The following LRCH1 variants were observed in gnomAD, a reference collection of about 807,000 sequenced individuals.
LRCH1 encodes the protein leucine-rich repeat and calponin homology domain-containing protein 1.
Under a neutral mutation model 94.9 loss-of-function variants are expected in LRCH1, and 23 were observed. The observed-to-expected ratio is 0.24, with a 90% CI of 0.17 to 0.34. LRCH1 has a LOEUF of 0.34. Ranked by LOEUF, LRCH1 falls within the 10% of genes least tolerant of loss-of-function variation. The pLI is 1.00. For missense variants in LRCH1, 790 were observed against 945.9 expected (o/e 0.84, Z 2.16); for synonymous variants, 364 against 354.9 (o/e 1.03, Z -0.29).
intron 13 of LRCH1, among the ~76,000 whole-genome samples, chr13:46,708,810 C>T (rs1367590818): frequency 2.0e-5 from 3 of 152,292 alleles, no homozygotes; most frequent in Non-Finnish European, 1.5e-5. Flanking sequence ...AAAATGGATT[C>T]GTACTTATTG....
At position 46,699,396 on chromosome 13, in the gene LRCH1, G is replaced by A; in HGVS notation, c.1306G>A (p.Glu436Lys). The change falls in exon 10 of 20, where the codon GAG becomes AAG. Residue 436 changes from glutamate (E) to lysine (K), a missense_variant. Physicochemically the swap from Glu to Lys is moderately conservative, Grantham distance 56. Transcript: ENST00000389797. ...AGAAGAGGATGTGCACTGGCAAACTGAGGGCATGTGAGTGCCGAGGCCTTG... is the reference window on the plus strand; with the variant it reads ...AGAAGAGGATGTGCACTGGCAAACTAAGGGCATGTGAGTGCCGAGGCCTTG... ...RIEEDVHWQT[E>K]GIISSSKDQD... 1 of 1,613,984 alleles carries A rather than the reference G, an allele frequency of 6.2e-7. No individual in the cohort carries two copies. The highest frequency in any genetic ancestry group is 1.1e-5 in the South Asian group (1 of 91,088).
chr13:46,553,444 G>A lies in LRCH1; in HGVS notation c.48G>A (p.Ser16=), dbSNP rs1566138061. 1 of 1,549,056 alleles carries A rather than the reference G, an allele frequency of 6.5e-7. No homozygotes were observed. The part of the protein sequence containing the change: ...SEPQPFVPAL[S]VATLHPLHHP... Reference sequence around the variant, plus strand: ...CCCAACCTTTCGTCCCGGCCCTTTCGGTAGCTACTCTGCACCCACTTCATC... The same window carrying A: ...CCCAACCTTTCGTCCCGGCCCTTTCAGTAGCTACTCTGCACCCACTTCATC... The change falls in exon 1 of 20, where the codon TCG becomes TCA. Residue 16 remains serine (S), a synonymous_variant. Transcript: ENST00000389797.
intron 13 of LRCH1, among the ~76,000 whole-genome samples, chr13:46,707,199 C>A (rs2138191083): frequency 1.3e-5 from 2 of 152,282 alleles, no homozygotes; most frequent in South Asian, 4.1e-4. Context: ...TTATCTGGAA[C>A]ATTTCCATGA....
In LRCH1 at chr13:46,628,677, A is replaced by C. The variant is rs565955386; in HGVS notation, c.308-21524A>C. ...GTCTCAGGGAAGAAAAAAAAAAAAA[A>C]AACACAAGGCCCGGCAGGCTGAGAC... On this transcript the variant is annotated intron_variant, in intron 1 of 19. Transcript: ENST00000389797. Among the ~76,000 whole-genome samples, 9 of 151,742 alleles carry C rather than the reference A, an allele frequency of 5.9e-5. No individual in the cohort carries two copies. The East Asian group carries it at 9.7e-4, about 16-fold the overall frequency.
At chr13:46,705,518 GT>G (rs760921195) in intron 13 of LRCH1, 12 of 683,622 alleles carry the variant, frequency 1.8e-5, no homozygotes, top group Non-Finnish European at 2.9e-5. Flanking sequence ...GAAGATGAGA[GT>G]TGGCTATTTC....
chr13:46,599,970 C>A (rs750722161), intron 1 of LRCH1, among the ~76,000 whole-genome samples: 1 of 152,242 alleles, frequency 6.6e-6, no homozygotes, highest in African/African-American at 2.4e-5. Flanking sequence ...CGGTGGCTCA[C>A]GCCACCGATC....
At position 46,652,186 on chromosome 13, in the gene LRCH1, A is replaced by G. The variant is rs542247788; in HGVS notation, c.452+1841A>G. ...CCGCCTCCCGGGTTCACGCCGTTCTACTGCCTCAGCCTACTGAGTAGCTGG... is the reference window on the plus strand; with the variant it reads ...CCGCCTCCCGGGTTCACGCCGTTCTGCTGCCTCAGCCTACTGAGTAGCTGG... On this transcript the variant is annotated intron_variant, in intron 2 of 19. Transcript: ENST00000389797. 9.3e-4 allele frequency among the ~76,000 whole-genome samples: 136 copies of G among 145,966 alleles called. 1 individual carries two copies. The highest frequency in any genetic ancestry group is 5.8e-3 in the South Asian group (27 of 4,616).
At chr13:46,619,100 C>T (rs556687032) in intron 1 of LRCH1, among the ~76,000 whole-genome samples, 2 of 76,110 alleles carry the variant, frequency 2.6e-5, no homozygotes, top group African/African-American at 1.9e-4. Context: ...TCCTTCCTTC[C>T]TTCCTTCCTT....
chr13:46,560,154 T>TATATATATA (rs1555267823), intron 1 of LRCH1, among the ~76,000 whole-genome samples: 4 of 149,714 alleles, frequency 2.7e-5, no homozygotes, highest in Admixed American at 6.7e-5. Flanking sequence ...TATATAGACT[T>TATATATATA]TTTATATTTC....
chr13:46,672,333 G>A (rs938536017), intron 3 of LRCH1, among the ~76,000 whole-genome samples: 1 of 150,054 alleles, frequency 6.7e-6, no homozygotes, highest in Non-Finnish European at 1.5e-5. Flanking sequence ...AAGCTGACAA[G>A]TTGCTTTTTT....
At chr13:46,638,367 G>A (rs1269389146) in intron 1 of LRCH1, among the ~76,000 whole-genome samples, 2 of 152,142 alleles carry the variant, frequency 1.3e-5, no homozygotes, top group Non-Finnish European at 2.9e-5. Context: ...TCAGCAATAT[G>A]TTAAAACTGG....
At chr13:46,688,027 C>A (rs370687258) in intron 6 of LRCH1, 48 bp downstream of exon 6, 20 of 1,555,924 alleles carry the variant, frequency 1.3e-5, no homozygotes, top group Non-Finnish European at 1.7e-5. Flanking sequence ...TTGCCTAGGC[C>A]AAGGCCCTCC....
intron 1 of LRCH1, among the ~76,000 whole-genome samples, chr13:46,572,328 C>T (rs1032280943): frequency 4.6e-5 from 7 of 152,288 alleles, no homozygotes; most frequent in African/African-American, 9.6e-5. Flanking sequence ...ATATGTTTAT[C>T]GTCTTATTTG....
intron 3 of LRCH1, among the ~76,000 whole-genome samples, chr13:46,672,750 G>A (rs973172256): frequency 3.3e-5 from 5 of 152,186 alleles, no homozygotes; most frequent in African/African-American, 9.7e-5. Context: ...TGGTTCTTGT[G>A]TCTTTTCTCC....
At chr13:46,573,866 A>ATATATATATATATATATATATATATAT in intron 1 of LRCH1, among the ~76,000 whole-genome samples, 45 of 63,360 alleles carry the variant, frequency 7.1e-4, no homozygotes, top group Non-Finnish European at 1.0e-3. Flanking sequence ...ATATATATAT[A>ATATATATATATATATATATATATATAT]TTTTTTTTTT....
rs1288570749 is a variant in LRCH1 at position 46,735,788 on chromosome 13, C to CTTTT, written c.2085+1791_2085+1794dup. On this transcript the variant is annotated intron_variant, in intron 19 of 19. Transcript: ENST00000389797. Reference sequence around the variant, plus strand: ...AGGTGATTTTCCTTTTTTTCTTTTTCTTTTCTTTTTTTTTTTTTTTTCGAG... The same window carrying CTTTT: ...AGGTGATTTTCCTTTTTTTCTTTTTCTTTTTTTTCTTTTTTTTTTTTTTTTCGAG... 1.0e-3 allele frequency among the ~76,000 whole-genome samples: 72 copies of CTTTT among 69,876 alleles called. 8 individuals are homozygous for CTTTT. The highest frequency in any genetic ancestry group is 1.5e-3 in the African/African-American group (32 of 21,118). 45.8% of individuals were successfully genotyped at this position (69,876 alleles called of 152,430 possible).
At chr13:46,749,692 A>C (rs1874048500), downstream of LRCH1, among the ~76,000 whole-genome samples, 1 of 152,206 alleles carries the variant, frequency 6.6e-6, no homozygotes, top group Admixed American at 6.5e-5. Flanking sequence ...TAGATAAAAG[A>C]ATATTTGCCG....
At position 46,728,934 on chromosome 13, in the gene LRCH1, C is replaced by T; in HGVS notation, c.1957C>T (p.His653Tyr). 2 of 1,613,750 alleles carry T rather than the reference C, an allele frequency of 1.2e-6. No homozygotes were observed. Among genetic ancestry groups the T allele is most frequent in the Non-Finnish European group, 1.7e-6 (2 of 1,179,834 alleles). ...DGVVLCHLVN[H>Y]IRPRSVASIH... ...TGTCGTCCTCTGCCATCTGGTCAAC[C>T]ACATCCGCCCACGGTCGGTTGCAAG... The change falls in exon 18 of 20, where the codon CAC (histidine) becomes TAC (tyrosine). Residue 653 changes from histidine (H) to tyrosine (Y), a missense_variant. By Grantham distance (83) the His-to-Tyr change is moderately conservative (BLOSUM62 2). Transcript: ENST00000389797.
In LRCH1 at chr13:46,715,566, C is replaced by A; in HGVS notation, c.1661C>A (p.Ala554Asp). Residue 554 changes from alanine (A) to aspartate (D), a missense_variant, in exon 16 of 20, where the codon GCC becomes GAC. Ala to Asp is a moderately radical substitution (Grantham distance 126). Coordinates refer to ENST00000389797, the MANE Select transcript of LRCH1 (RefSeq NM_001164211.2). ...PFGLKPRSDP[A>D]LILPPISFNT... Reference sequence around the variant, plus strand: ...CTCTCTGGCTCCCCTGCAGACCCAGCCCTCATTCTTCCTCCTATCTCCTTC... The same window carrying A: ...CTCTCTGGCTCCCCTGCAGACCCAGACCTCATTCTTCCTCCTATCTCCTTC... 2.0e-6 allele frequency: 3 copies of A among 1,535,180 alleles called. No individual in the cohort carries two copies. The highest frequency in any genetic ancestry group is 2.6e-6 in the Non-Finnish European group (3 of 1,144,970).
Sources: gnomAD v4.1 joint callset for allele counts (sites outside exome capture counted in the v4.1 genomes callset) on GRCh38, gnomAD v4.1.1 for gene constraint, MANE v1.5 for transcripts, NCBI Gene and HGNC (gene_info 2026-07-23, HGNC 2026-07-21) for gene names.